Variants in PAX3 observed in about 807,000 individuals in gnomAD.
PAX3 encodes the protein paired box 3, also known as paired box protein Pax-3.
PAX3 carries 14 observed loss-of-function variants against 51.6 expected under a neutral mutation model. The ratio of observed to expected loss-of-function variants is 0.27; its 90% CI spans 0.18 to 0.42. The LOEUF is 0.42. Among genes scored for constraint, PAX3 ranks in the 10% least tolerant of loss-of-function variants. The probability of loss-of-function intolerance (pLI) is 1.00; values close to 1 mark genes in which losing one functional copy is unlikely to be tolerated. For missense variants in PAX3, 540 were observed against 642.8 expected, an observed-to-expected ratio of 0.84 and a Z score of 1.73; for synonymous variants, 280 against 253.4, an observed-to-expected ratio of 1.11 and a Z score of -1.00.
Position 222,221,447 on chromosome 2 carries a change from G to A in PAX3, c.793-60C>T, listed in dbSNP as rs899044618. 33 of 1,470,476 alleles carry A rather than the reference G, an allele frequency of 2.2e-5. 2 individuals are homozygous for A. The highest frequency in any genetic ancestry group is 3.4e-4 in the Middle Eastern group (2 of 5,814). 91.1% of individuals were successfully genotyped at this position (1,470,476 alleles called of 1,614,324 possible). On this transcript the variant is annotated intron_variant, in intron 5 of 8. Coordinates refer to ENST00000392070, the MANE Select transcript of PAX3 (RefSeq NM_181458.4). ...GATGAAATAATAGTACATTCTTAAT[G>A]AATTTTTTATGCTAAAACAGATTAG... is the stretch of plus-strand genomic sequence containing the variant.
At chr2:222,219,867 A>C (rs994668841) in intron 7 of PAX3, among the ~76,000 whole-genome samples, 8 of 152,250 alleles carry the variant, frequency 5.3e-5, no homozygotes, top group Admixed American at 5.2e-4. Flanking sequence ...GATGGAGAAG[A>C]CAAAACATGG....
rs1219028603 is a variant in PAX3, at chr2:222,298,892, G to T, written c.-277C>A. ...TACGAGTCTGGGCAAATGTTCCAGC[G>T]ACTGGGGTCCCTGAAAAGGGGGCTC... On this transcript the variant is annotated 5_prime_UTR_variant, in exon 1 of 9. Coordinates refer to ENST00000392070, the MANE Select transcript of PAX3 (RefSeq NM_181458.4). 8 of 547,754 alleles carry T rather than the reference G, an allele frequency of 1.5e-5. No individual in the cohort carries two copies. The highest frequency in any genetic ancestry group is 2.6e-5 in the Non-Finnish European group (8 of 304,728). The allele number at this position is 547,754 out of a possible 1,614,324, so 33.9% of individuals were successfully genotyped here.
rs71407982 is a variant in PAX3, at chr2:222,216,705, A to AAC, written c.1173+3433_1173+3434dup. Reference sequence around the variant, plus strand: ...AAACCAACTATTGTACACATACACAAACACACACACACACACACACAGAGA... The same window carrying AAC: ...AAACCAACTATTGTACACATACACAAACACACACACACACACACACACAGAGA... On this transcript the variant is annotated intron_variant, in intron 7 of 8. Coordinates refer to ENST00000392070, the MANE Select transcript of PAX3 (RefSeq NM_181458.4). Among the ~76,000 whole-genome samples the AAC allele has an allele frequency of 3.2e-3, 478 of 149,974 alleles. 2 individuals carry two copies. The highest frequency in any genetic ancestry group is 8.3e-3 in the African/African-American group (334 of 40,314).
At chr2:222,203,796 A>C (rs1039819121) in intron 7 of PAX3, among the ~76,000 whole-genome samples, 2 of 152,206 alleles carry the variant, frequency 1.3e-5, no homozygotes, top group African/African-American at 4.8e-5. Context: ...ATCCATCTTC[A>C]GCTGACCCCA....
At chr2:222,226,626 A>G (rs1370993713) in intron 5 of PAX3, among the ~76,000 whole-genome samples, 1 of 151,570 alleles carries the variant, frequency 6.6e-6, no homozygotes, top group Non-Finnish European at 1.5e-5. Context: ...TCAAATCATC[A>G]TGGTGCTTTT....
intron 4 of PAX3, among the ~76,000 whole-genome samples, chr2:222,266,748 G>A (rs1338476155): frequency 1.3e-5 from 2 of 152,202 alleles, no homozygotes; most frequent in Admixed American, 6.5e-5. Context: ...TCCAAAGGAG[G>A]TGGGAGAGAA....
chr2:222,289,646 A>T (rs1574755111), intron 4 of PAX3, among the ~76,000 whole-genome samples: 1 of 152,334 alleles, frequency 6.6e-6, no homozygotes, highest in African/African-American at 2.4e-5. Context: ...GCATGTTTTC[A>T]ATAAAGCTCT....
chr2:222,234,409 G>A (rs1161060121), intron 4 of PAX3, among the ~76,000 whole-genome samples: 1 of 152,042 alleles, frequency 6.6e-6, no homozygotes, highest in Non-Finnish European at 1.5e-5. Flanking sequence ...TAAAAAATAC[G>A]CTATGCATTG....
At chr2:222,229,540 A>G (rs757737991) in intron 5 of PAX3, among the ~76,000 whole-genome samples, 1 of 151,994 alleles carries the variant, frequency 6.6e-6, no homozygotes, top group Non-Finnish European at 1.5e-5. Context: ...GAATACCTTC[A>G]CCACCATCTC....
intron 4 of PAX3, among the ~76,000 whole-genome samples, chr2:222,277,826 C>CG (rs1248980680): frequency 6.7e-6 from 1 of 150,096 alleles, no homozygotes; most frequent in Non-Finnish European, 1.5e-5. Context: ...CCCAGCTACT[C>CG]GGGAGGCTGA....
chr2:222,287,435 C>T (rs1409277771), intron 4 of PAX3: 5 of 152,150 alleles, frequency 3.3e-5, no homozygotes, highest in South Asian at 2.1e-4. Context: ...TAAAGGCAGC[C>T]GGTTCTTGGG....
At chr2:222,285,715 C>T (rs1694808988) in intron 4 of PAX3, among the ~76,000 whole-genome samples, 1 of 152,174 alleles carries the variant, frequency 6.6e-6, no homozygotes, top group African/African-American at 2.4e-5. Flanking sequence ...TAACACAAGA[C>T]CAAATACATT....
intron 4 of PAX3, among the ~76,000 whole-genome samples, chr2:222,236,999 A>G (rs892521921): frequency 2.0e-5 from 3 of 152,166 alleles, no homozygotes; most frequent in African/African-American, 4.8e-5. Flanking sequence ...AGATTTAGAA[A>G]TTTTTGAATC....
chr2:222,201,011 A>G lies in PAX3; in HGVS notation c.*397T>C, dbSNP rs887858669. ...ATATTTTAGAACAGTCTGCTTGCCC[A>G]AACCAGTCTGGGTAAATCTCAATAC... On this transcript the variant is annotated 3_prime_UTR_variant, in exon 9 of 9. Transcript: ENST00000392070. 1 of 737,792 alleles carries G rather than the reference A, an allele frequency of 1.4e-6. No individual in the cohort carries two copies. The highest frequency in any genetic ancestry group is 2.3e-6 in the Non-Finnish European group (1 of 438,580). The allele number at this position is 737,792 out of a possible 1,614,324, so 45.7% of individuals were successfully genotyped here.
In PAX3 at chr2:222,285,302, G is replaced by A. The variant is rs372819833; in HGVS notation, c.586+8865C>T. On this transcript the variant is annotated intron_variant, in intron 4 of 8. Transcript: ENST00000392070. ...AGACAGATTCTATGAATCTATAATC[G>A]TTTAAAAATAAAATGCTTTTGAAAG... Among the ~76,000 whole-genome samples the A allele has an allele frequency of 7.2e-5, 11 of 152,218 alleles. No homozygotes were observed. The South Asian group carries it at 1.2e-3, about 17-fold the overall frequency.
At chr2:222,220,581 G>A (rs1295135912) in intron 6 of PAX3, among the ~76,000 whole-genome samples, 1 of 152,078 alleles carries the variant, frequency 6.6e-6, no homozygotes, top group Non-Finnish European at 1.5e-5. Context: ...CTCACGGCAG[G>A]CTCACCCAGA....
intron 4 of PAX3, among the ~76,000 whole-genome samples, chr2:222,245,657 G>C (rs936975544): frequency 6.8e-6 from 1 of 148,052 alleles, no homozygotes; most frequent in African/African-American, 2.4e-5. Context: ...TAACTGAAGA[G>C]AATAAAAGAG....
chr2:222,236,426 T>A (rs1185295437), intron 4 of PAX3, among the ~76,000 whole-genome samples: 1 of 152,196 alleles, frequency 6.6e-6, no homozygotes, highest in Non-Finnish European at 1.5e-5. Context: ...AACTAAAACT[T>A]AAATCCCATT....
At chr2:222,289,789 G>A (rs1694963650) in intron 4 of PAX3, among the ~76,000 whole-genome samples, 1 of 152,120 alleles carries the variant, frequency 6.6e-6, no homozygotes, top group Non-Finnish European at 1.5e-5. Context: ...ATAGAACACG[G>A]CGTGGTGTTC....
Sources: gnomAD v4.1 joint callset for allele counts (sites outside exome capture counted in the v4.1 genomes callset) on GRCh38, gnomAD v4.1.1 for gene constraint, MANE v1.5 for transcripts, NCBI Gene and HGNC (gene_info 2026-07-23, HGNC 2026-07-21) for gene names.